PDE8B: variants seen among roughly 807,000 people sequenced by gnomAD.
The protein encoded by PDE8B is high affinity cAMP-specific and IBMX-insensitive 3',5'-cyclic phosphodiesterase 8B.
PDE8B carries 26 observed loss-of-function variants against 101.3 expected under a neutral mutation model. The observed-to-expected ratio is 0.26, with a 90% CI of 0.19 to 0.36. The LOEUF is 0.36. Among genes scored for constraint, PDE8B ranks in the 10% least tolerant of loss-of-function variants. The pLI is 1.00. For missense variants in PDE8B, 810 were observed against 1,163.1 expected, an observed-to-expected ratio of 0.70 and a Z score of 4.42; for synonymous variants, 424 against 429.3, an observed-to-expected ratio of 0.99 and a Z score of 0.15.
intron 1 of PDE8B, among the ~76,000 whole-genome samples, chr5:77,248,278 G>C (rs1757368202): frequency 6.6e-6 from 1 of 152,210 alleles, no homozygotes; most frequent in African/African-American, 2.4e-5. Context: ...TGGCTCATGG[G>C]AAGTACCCAA....
intron 1 of PDE8B, chr5:77,290,132 G>T: frequency 8.8e-7 from 1 of 1,139,384 alleles, no homozygotes; most frequent in South Asian, 1.3e-5. Context: ...ATTACCCCTA[G>T]TTCCACGTGT....
chr5:77,375,612 A>T (rs183687082), intron 10 of PDE8B, among the ~76,000 whole-genome samples: 2 of 152,176 alleles, frequency 1.3e-5, no homozygotes, highest in East Asian at 1.9e-4. Flanking sequence ...CAGAAAGTTA[A>T]ATCCCTCCTT....
chr5:77,251,722 G>A lies in PDE8B; in HGVS notation c.339+40458G>A, dbSNP rs1363999866. ...CTCTTCCTTTTTTTGTGTCTGTGTC[G>A]TATTCCAGATAGTTTTCTGATATTT... On this transcript the variant is annotated intron_variant, in intron 1 of 21. Coordinates refer to ENST00000264917, the MANE Select transcript of PDE8B (RefSeq NM_003719.5). 4.6e-5 allele frequency among the ~76,000 whole-genome samples: 7 copies of A among 152,114 alleles called. No homozygotes were observed. The South Asian group carries it at 8.3e-4, about 18-fold the overall frequency.
the PDE8B span, among the ~76,000 whole-genome samples, chr5:77,173,458 C>T: frequency 6.6e-6 from 1 of 152,034 alleles, no homozygotes; most frequent in African/African-American, 2.4e-5. Flanking sequence ...AAAATTGCTT[C>T]ATTCTCAGAG....
chr5:77,222,700 G>T (rs747227282), intron 1 of PDE8B, among the ~76,000 whole-genome samples: 1 of 152,220 alleles, frequency 6.6e-6, no homozygotes, highest in Non-Finnish European at 1.5e-5. Context: ...GCTGGCAGGA[G>T]TTACGGATTG....
chr5:77,097,697 A>ATCTATC, the PDE8B span, among the ~76,000 whole-genome samples: 1 of 23,368 alleles, frequency 4.3e-5, no homozygotes, highest in Non-Finnish European at 9.3e-5. Context: ...ATATATCTAT[A>ATCTATC]TATATATATC....
intron 10 of PDE8B, among the ~76,000 whole-genome samples, chr5:77,399,636 A>G (rs975440203): frequency 6.6e-6 from 1 of 152,230 alleles, no homozygotes; most frequent in Non-Finnish European, 1.5e-5. Flanking sequence ...AGTGCTAATG[A>G]CTTCCTTTTG....
At chr5:77,235,825 A>C (rs1442078248) in intron 1 of PDE8B, among the ~76,000 whole-genome samples, 3 of 152,198 alleles carry the variant, frequency 2.0e-5, no homozygotes, top group African/African-American at 7.2e-5. Context: ...AAAAAAAACA[A>C]AACTAAAAAT....
At chr5:77,411,788 A>C in intron 15 of PDE8B, 67 bp downstream of exon 15, 1 of 1,246,734 alleles carries the variant, frequency 8.0e-7, no homozygotes, top group Non-Finnish European at 1.2e-6. Context: ...CGCTGTTGCG[A>C]TTATTGTTCT....
chr5:77,274,596 A>G (rs1763466794), intron 1 of PDE8B, among the ~76,000 whole-genome samples: 1 of 152,228 alleles, frequency 6.6e-6, no homozygotes, highest in African/African-American at 2.4e-5. Flanking sequence ...TGAGACCTAC[A>G]GATTTCCAAT....
At position 77,414,194 on chromosome 5, in the gene PDE8B, G is replaced by C. The variant is rs975805006; in HGVS notation, c.1911+885G>C. On this transcript the variant is annotated intron_variant, in intron 17 of 21. Coordinates refer to ENST00000264917, the MANE Select transcript of PDE8B (RefSeq NM_003719.5). ...GCAGAAATGGCAGGAAAACAGTAAG[G>C]GGGTATGTGGGTAAGGTTTTCTTCT... Among the ~76,000 whole-genome samples, 4 of 152,134 alleles carry C rather than the reference G, an allele frequency of 2.6e-5. 1 individual carries two copies. In the South Asian group the frequency reaches 8.3e-4, roughly 32 times the overall value.
At chr5:77,349,265 C>T (rs1238440935) in intron 7 of PDE8B, among the ~76,000 whole-genome samples, 154 bp from the exon 8 acceptor site, 2 of 152,194 alleles carry the variant, frequency 1.3e-5, no homozygotes, top group Non-Finnish European at 2.9e-5. Context: ...GCAGCAGGAC[C>T]TGGCCAGCTA....
chr5:77,287,121 C>G (rs1766171202), intron 1 of PDE8B, among the ~76,000 whole-genome samples: 2 of 152,124 alleles, frequency 1.3e-5, no homozygotes, highest in African/African-American at 2.4e-5. Context: ...CATCTGTGAG[C>G]TTCCATCTGA....
intron 1 of PDE8B, among the ~76,000 whole-genome samples, chr5:77,245,570 C>G (rs1047713200): frequency 3.3e-5 from 5 of 152,208 alleles, no homozygotes; most frequent in Non-Finnish European, 4.4e-5. Flanking sequence ...TGGGCCTCCT[C>G]TGCCTGCCTC....
At chr5:77,380,392 G>A (rs530691886) in intron 10 of PDE8B, among the ~76,000 whole-genome samples, 1 of 152,194 alleles carries the variant, frequency 6.6e-6, no homozygotes, top group Admixed American at 6.5e-5. Context: ...GGACAAAGGT[G>A]CATTTAGATA....
chr5:77,103,971 C>A, the PDE8B span, among the ~76,000 whole-genome samples: 1 of 152,310 alleles, frequency 6.6e-6, no homozygotes, highest in East Asian at 1.9e-4. Context: ...AAATGCTTGT[C>A]ATTCTAGAGA....
chr5:77,380,284 C>CT (rs1561617613), intron 10 of PDE8B, among the ~76,000 whole-genome samples: 1 of 152,146 alleles, frequency 6.6e-6, no homozygotes, highest in Non-Finnish European at 1.5e-5. Flanking sequence ...TATGAACAAT[C>CT]TTTTTGTTTT....
At chr5:77,262,516 C>G (rs1760830287) in intron 1 of PDE8B, among the ~76,000 whole-genome samples, 1 of 152,218 alleles carries the variant, frequency 6.6e-6, no homozygotes, top group Admixed American at 6.5e-5. Context: ...TTACATACTG[C>G]TGTCACAAAA....
At chr5:77,299,650 A>C (rs915742211) in intron 1 of PDE8B, among the ~76,000 whole-genome samples, 2 of 151,674 alleles carry the variant, frequency 1.3e-5, no homozygotes, top group Admixed American at 1.3e-4. Flanking sequence ...TATATGCCAC[A>C]TTTTCTTAAT....
Sources: allele counts gnomAD v4.1 joint callset (sites outside exome capture counted in the v4.1 genomes callset), GRCh38; gene constraint gnomAD v4.1.1; transcripts MANE v1.5; gene names NCBI Gene and HGNC (gene_info 2026-07-23, HGNC 2026-07-21).